The following METTL15 variants were observed in gnomAD, a reference collection of about 807,000 sequenced individuals.
METTL15 encodes 12S rRNA N(4)-cytidine methyltransferase METTL15.
In METTL15, 34 loss-of-function variants were observed where a neutral mutation model predicts 38.3. The observed-to-expected ratio is 0.89, with a 90% confidence interval of 0.68 to 1.18. The LOEUF is 1.18. METTL15 is among the 50% of genes most tolerant of loss of function. The pLI, the probability that METTL15 is intolerant of heterozygous loss-of-function variation, is 0.00. For synonymous variants in METTL15, 162 were observed against 170.9 expected, an observed-to-expected ratio of 0.95 and a Z score of 0.41; for missense variants, 438 against 498.4, an observed-to-expected ratio of 0.88 and a Z score of 1.15.
At chr11:28,415,323 T>C (rs529104656) in intron 5 of METTL15, among the ~76,000 whole-genome samples, 10 of 152,244 alleles carry the variant, frequency 6.6e-5, no homozygotes, top group Non-Finnish European at 1.3e-4. Flanking sequence ...TAGGGGGAAG[T>C]AGCTAGAGCA....
chr11:28,140,366 A>G (rs1249591462), intron 3 of METTL15, among the ~76,000 whole-genome samples: 1 of 152,124 alleles, frequency 6.6e-6, no homozygotes, highest in Non-Finnish European at 1.5e-5. Flanking sequence ...CCAACCCTTG[A>G]GAGTGATAGG....
Position 28,248,559 on chromosome 11 carries a change from T to C in METTL15, c.407+37361T>C, listed in dbSNP as rs1333231130. On this transcript the variant is annotated intron_variant, in intron 4 of 6. Coordinates refer to ENST00000407364, the MANE Select transcript of METTL15 (RefSeq NM_001113528.2). ...ATTTTATTCCATTGTATTAGCCTTG[T>C]AAGTAAAAATATAACATCCATGCAC... 7.2e-5 allele frequency among the ~76,000 whole-genome samples: 11 copies of C among 152,094 alleles called. 1 individual carries two copies. Among genetic ancestry groups the C allele is most frequent in the Admixed American group, 7.2e-4 (11 of 15,254 alleles).
chr11:28,113,258 C>G (rs1565099537), intron 2 of METTL15, 60 bp from the exon 3 acceptor site: 3 of 1,155,010 alleles, frequency 2.6e-6, no homozygotes, highest in Non-Finnish European at 3.7e-6. Flanking sequence ...TGATTTTCCC[C>G]AAGTATTAGA....
intron 5 of METTL15, among the ~76,000 whole-genome samples, chr11:28,369,393 G>T (rs1467829707): frequency 6.6e-6 from 1 of 151,970 alleles, no homozygotes; most frequent in Non-Finnish European, 1.5e-5. Flanking sequence ...GGAAATAATG[G>T]TTGTAAACTT....
intron 5 of METTL15, among the ~76,000 whole-genome samples, chr11:28,373,332 A>G (rs1220735533): frequency 6.6e-6 from 1 of 151,988 alleles, no homozygotes; most frequent in Non-Finnish European, 1.5e-5. Flanking sequence ...GTGAGATGGT[A>G]TCTCATTGTG....
At chr11:28,207,823 C>A (rs1351092589) in intron 3 of METTL15, among the ~76,000 whole-genome samples, 1 of 152,104 alleles carries the variant, frequency 6.6e-6, no homozygotes, top group Non-Finnish European at 1.5e-5. Flanking sequence ...CAACTTCTTC[C>A]TGGTTTAGTC....
chr11:28,328,332 C>T (rs562782348), intron 6 of METTL15, among the ~76,000 whole-genome samples: 2 of 152,180 alleles, frequency 1.3e-5, no homozygotes, highest in South Asian at 4.2e-4. Flanking sequence ...TTTAAACCAC[C>T]AGGTTCTCAA....
chr11:28,162,201 G>A (rs1850490312), intron 3 of METTL15, among the ~76,000 whole-genome samples: 1 of 152,088 alleles, frequency 6.6e-6, no homozygotes, highest in Admixed American at 6.6e-5. Context: ...CAGGCAGCCA[G>A]GCTCTAGAGC....
At chr11:28,298,625 T>C (rs1856817662) in intron 6 of METTL15, among the ~76,000 whole-genome samples, 1 of 152,094 alleles carries the variant, frequency 6.6e-6, no homozygotes, top group South Asian at 2.1e-4. Context: ...AGGAACAATT[T>C]AAGTACCTTC....
At chr11:28,114,891 TAAAAG>T (rs1565101168) in intron 3 of METTL15, among the ~76,000 whole-genome samples, 2 of 152,180 alleles carry the variant, frequency 1.3e-5, no homozygotes, top group African/African-American at 4.8e-5. Context: ...ATTACAGTCT[TAAAAG>T]AAAAAGAACA....
chr11:28,299,053 T>C (rs1856830892), intron 6 of METTL15, among the ~76,000 whole-genome samples: 1 of 152,092 alleles, frequency 6.6e-6, no homozygotes, highest in Non-Finnish European at 1.5e-5. Context: ...ACAGTGAAAA[T>C]TCTCTTTCCT....
chr11:28,217,826 C>T (rs1016017950), intron 4 of METTL15, among the ~76,000 whole-genome samples: 1 of 152,058 alleles, frequency 6.6e-6, no homozygotes, highest in Non-Finnish European at 1.5e-5. Flanking sequence ...ATCCTTTCTC[C>T]ATTTCTTGTT....
intron 3 of METTL15, among the ~76,000 whole-genome samples, chr11:28,120,435 G>C (rs550990989): frequency 1.2e-4 from 18 of 151,756 alleles, no homozygotes; most frequent in African/African-American, 4.4e-4. Context: ...AGTGGCCTTT[G>C]TATTAAAATA....
chr11:28,420,857 CA>C, intron 5 of METTL15, among the ~76,000 whole-genome samples: 1 of 151,744 alleles, frequency 6.6e-6, no homozygotes, highest in South Asian at 2.1e-4. Flanking sequence ...GAAGAAATTA[CA>C]AAGATCCGAG....
intron 4 of METTL15, among the ~76,000 whole-genome samples, chr11:28,217,389 G>T (rs537416579): frequency 2.4e-4 from 36 of 152,308 alleles, no homozygotes; most frequent in African/African-American, 7.5e-4. Flanking sequence ...CGTATCCTTT[G>T]CCCACTTGTT....
intron 3 of METTL15, among the ~76,000 whole-genome samples, chr11:28,123,025 A>G (rs896981926): frequency 6.6e-6 from 1 of 152,238 alleles, no homozygotes; most frequent in African/African-American, 2.4e-5. Flanking sequence ...TAAAAATCAG[A>G]CGTATGTACT....
intron 6 of METTL15, chr11:28,517,391 T>C (rs1851728486): frequency 6.6e-6 from 1 of 152,180 alleles, no homozygotes; most frequent in Non-Finnish European, 1.5e-5. Flanking sequence ...TATGTCCTAA[T>C]TGTTACTTTC....
chr11:28,517,800 A>C (rs565963282), intron 6 of METTL15, among the ~76,000 whole-genome samples: 1 of 152,232 alleles, frequency 6.6e-6, no homozygotes, highest in South Asian at 2.1e-4. Context: ...CAGAAACCTC[A>C]GGGAGGAGAC....
At chr11:28,390,179 G>T (rs1433543402) in intron 5 of METTL15, among the ~76,000 whole-genome samples, 3,618 of 151,718 alleles carry the variant, frequency 0.024, 145 homozygotes, top group African/African-American at 0.083. Context: ...TCTGTAGGTT[G>T]CCTGTTCACT....
Sources: gnomAD v4.1 joint callset for allele counts (sites outside exome capture counted in the v4.1 genomes callset) on GRCh38, gnomAD v4.1.1 for gene constraint, MANE v1.5 for transcripts, NCBI Gene and HGNC (gene_info 2026-07-23, HGNC 2026-07-21) for gene names.